Variants in FUT9 observed in about 807,000 individuals in gnomAD.
FUT9 encodes the protein fucosyltransferase 9, also known as 4-galactosyl-N-acetylglucosaminide 3-alpha-L-fucosyltransferase 9.
In FUT9, 15 loss-of-function variants were observed where a neutral mutation model predicts 29.7. That is an observed-to-expected ratio of 0.51 (90% CI 0.34 to 0.78). The LOEUF (loss-of-function observed/expected upper bound fraction) is 0.78. Among genes scored for constraint, FUT9 ranks in the 30% least tolerant of loss-of-function variants. FUT9 has a pLI of 0.01. For synonymous variants in FUT9, 169 were observed against 153.7 expected (o/e 1.10, Z -0.74); for missense variants, 319 against 425.4 (o/e 0.75, Z 2.20).
chr6:96,121,878 A>G (rs1329754109), intron 2 of FUT9, among the ~76,000 whole-genome samples: 1 of 152,050 alleles, frequency 6.6e-6, no homozygotes. Flanking sequence ...AAAGGGTAAA[A>G]CCTAGTATAT....
chr6:96,093,169 C>T (rs1386771763), intron 1 of FUT9, among the ~76,000 whole-genome samples: 4 of 152,122 alleles, frequency 2.6e-5, no homozygotes, highest in Non-Finnish European at 5.9e-5. Flanking sequence ...GTTCTCCCCA[C>T]ATAAAATCAG....
intron 1 of FUT9, among the ~76,000 whole-genome samples, chr6:96,107,154 A>C (rs1041375359): frequency 6.6e-6 from 1 of 152,180 alleles, no homozygotes; most frequent in East Asian, 1.9e-4. Context: ...TTTCTCCAGC[A>C]TCTGAAGGCA....
At chr6:96,109,940 G>A (rs1013082985) in intron 1 of FUT9, among the ~76,000 whole-genome samples, 3 of 152,112 alleles carry the variant, frequency 2.0e-5, no homozygotes, top group Non-Finnish European at 2.9e-5. Flanking sequence ...ATAGCTACAG[G>A]TATACTGGGG....
At position 96,078,405 on chromosome 6, in the gene FUT9, C is replaced by CTGATTTTTT. The variant is rs1201729276; in HGVS notation, c.-97-35633_-97-35632insGATTTTTTT. The stretch of plus-strand genomic sequence containing the variant: ...TTTGATCTCTTTCTTTCATATTAGT[C>CTGATTTTTT]TTCTTTTTTTTTTTTTTTTTTTTTT... On this transcript the variant is annotated intron_variant, in intron 1 of 2. Transcript: ENST00000302103. Among the ~76,000 whole-genome samples, 46 of 45,206 alleles carry CTGATTTTTT rather than the reference C, an allele frequency of 1.0e-3. 1 individual carries two copies. Among genetic ancestry groups the CTGATTTTTT allele is most frequent in the South Asian group, 3.0e-3 (4 of 1,328 alleles). 29.7% of individuals were successfully genotyped at this position (45,206 alleles called of 152,430 possible). A position where few individuals can be genotyped will look rare whatever the true frequency, so the allele number is the denominator to read the frequency against.
chr6:96,173,868 C>T (rs1051814696), intron 2 of FUT9, among the ~76,000 whole-genome samples: 4 of 151,918 alleles, frequency 2.6e-5, no homozygotes, highest in Non-Finnish European at 4.4e-5. Context: ...TTAAATGTGA[C>T]AGCCATATTG....
chr6:96,099,044 T>C (rs981221372), intron 1 of FUT9, among the ~76,000 whole-genome samples: 1 of 152,284 alleles, frequency 6.6e-6, no homozygotes, highest in Non-Finnish European at 1.5e-5. Flanking sequence ...GCATCCTTTA[T>C]CTCTGTATTA....
chr6:96,093,172 A>G (rs902233375), intron 1 of FUT9, among the ~76,000 whole-genome samples: 2 of 152,120 alleles, frequency 1.3e-5, no homozygotes, highest in African/African-American at 4.8e-5. Context: ...CTCCCCACAT[A>G]AAATCAGATA....
chr6:96,215,470 C>T lies in FUT9; in HGVS notation c.*11235C>T, dbSNP rs1313801772. On this transcript the variant is annotated 3_prime_UTR_variant, in exon 3 of 3. Transcript: ENST00000302103. The stretch of plus-strand genomic sequence containing the variant: ...TGTAAGAAGAAACTCTCTCTTCAGT[C>T]ATATTTCCTAAATTCAGTGTAAGTA... 1.2e-5 allele frequency: 2 copies of T among 166,788 alleles called. No individual in the cohort carries two copies. The highest frequency in any genetic ancestry group is 2.9e-5 in the Non-Finnish European group (2 of 68,096). The allele number at this position is 166,788 out of a possible 1,614,324, so 10.3% of individuals were successfully genotyped here.
At chr6:96,078,821 C>T (rs923453399) in intron 1 of FUT9, among the ~76,000 whole-genome samples, 23 of 152,060 alleles carry the variant, frequency 1.5e-4, no homozygotes, top group African/African-American at 5.6e-4. Flanking sequence ...GCATTAGGTG[C>T]AATTTGCTAG....
rs754076296 is a variant in FUT9 at position 96,212,851 on chromosome 6, G to A, written c.*8616G>A. 2.6e-4 allele frequency: 43 copies of A among 166,626 alleles called. No homozygotes were observed. Among genetic ancestry groups the A allele is most frequent in the Non-Finnish European group, 2.6e-4 (18 of 68,012 alleles). 10.3% of individuals were successfully genotyped at this position (166,626 alleles called of 1,614,324 possible). On this transcript the variant is annotated 3_prime_UTR_variant, in exon 3 of 3. Transcript: ENST00000302103. ...ACAAAGCGGCAAAAAGGAGAAAAGT[G>A]TCAACAAGAAACAAGAAGAGGAGTA...
chr6:96,159,380 G>A (rs1381501251), intron 2 of FUT9, among the ~76,000 whole-genome samples: 1 of 151,902 alleles, frequency 6.6e-6, no homozygotes, highest in East Asian at 1.9e-4. Context: ...AAAATTAAGA[G>A]CATCTTTTCT....
intron 1 of FUT9, among the ~76,000 whole-genome samples, chr6:96,106,552 C>G (rs1243261274): frequency 6.6e-6 from 1 of 152,118 alleles, no homozygotes; most frequent in Non-Finnish European, 1.5e-5. Flanking sequence ...GACTTTACCT[C>G]TTATCTCCTA....
chr6:96,180,539 G>A (rs1374707335), intron 2 of FUT9, among the ~76,000 whole-genome samples: 6 of 152,004 alleles, frequency 3.9e-5, no homozygotes, highest in African/African-American at 1.4e-4. Flanking sequence ...ATATAATAAT[G>A]TACATATTTA....
At chr6:96,169,276 T>G (rs999417810) in intron 2 of FUT9, among the ~76,000 whole-genome samples, 1 of 152,228 alleles carries the variant, frequency 6.6e-6, no homozygotes, top group African/African-American at 2.4e-5. Flanking sequence ...GGGCTGATGA[T>G]TTCAGTTGTA....
chr6:96,021,846 C>A (rs956421335), intron 1 of FUT9, among the ~76,000 whole-genome samples: 3 of 150,036 alleles, frequency 2.0e-5, no homozygotes, highest in African/African-American at 7.6e-5. Context: ...AAAATAATGG[C>A]TCCAAACAGC....
intron 2 of FUT9, among the ~76,000 whole-genome samples, chr6:96,196,415 A>C (rs1562161034): frequency 6.6e-6 from 1 of 152,090 alleles, no homozygotes; most frequent in African/African-American, 2.4e-5. Flanking sequence ...CTGACCTAAT[A>C]ATAATAAACA....
chr6:96,177,655 T>G (rs1372674470), intron 2 of FUT9, among the ~76,000 whole-genome samples: 1 of 152,292 alleles, frequency 6.6e-6, no homozygotes, highest in East Asian at 1.9e-4. Context: ...CACCTTTGCA[T>G]GGAATCACTG....
intron 1 of FUT9, among the ~76,000 whole-genome samples, chr6:96,058,330 G>A (rs892443060): frequency 1.3e-4 from 20 of 152,050 alleles, no homozygotes; most frequent in Admixed American, 5.9e-4. Flanking sequence ...ATTTTTTTAA[G>A]CTTGAATTTT....
rs140027936 is a variant in FUT9, at chr6:96,194,350, A to G, written c.-8-8798A>G. Among the ~76,000 whole-genome samples, 1,239 of 152,192 alleles carry G rather than the reference A, an allele frequency of 8.1e-3. 63 individuals carry two copies. The highest frequency in any genetic ancestry group is 0.077 in the Admixed American group (1,170 of 15,264). ...TCTAACAGGATCCCAGATGTTGCTG[A>G]TGCTGCTGATCTAGTGCCATCCTTT... On this transcript the variant is annotated intron_variant, in intron 2 of 2. Coordinates refer to ENST00000302103, the MANE Select transcript of FUT9 (RefSeq NM_006581.4).
Sources: gnomAD v4.1 joint callset for allele counts (sites outside exome capture counted in the v4.1 genomes callset) on GRCh38, gnomAD v4.1.1 for gene constraint, MANE v1.5 for transcripts, NCBI Gene and HGNC (gene_info 2026-07-23, HGNC 2026-07-21) for gene names.